The following RAPGEF2 variants were observed in gnomAD, a reference collection of about 807,000 sequenced individuals.
The protein encoded by RAPGEF2 is Rap guanine nucleotide exchange factor 2, also known as PDZ domain containing guanine nucleotide exchange factor (GEF) 1.
Under a neutral mutation model 186.7 loss-of-function variants are expected in RAPGEF2, and 54 were observed. That is an observed-to-expected ratio of 0.29 (90% CI 0.23 to 0.36). RAPGEF2 has a LOEUF of 0.36. Ranked by LOEUF, RAPGEF2 falls within the 10% of genes least tolerant of loss-of-function variation. The pLI is 1.00. For missense variants in RAPGEF2, 1,532 were observed against 2,045.0 expected (o/e 0.75, Z 4.84); for synonymous variants, 712 against 705.9 (o/e 1.01, Z -0.14).
intron 7 of RAPGEF2, among the ~76,000 whole-genome samples, chr4:159,263,546 A>G (rs894518258): frequency 6.6e-6 from 1 of 152,182 alleles, no homozygotes; most frequent in Non-Finnish European, 1.5e-5. Context: ...ATATTTAACT[A>G]TTAAGTGAAG....
At chr4:159,109,513 T>G (rs954631517) in intron 1 of RAPGEF2, among the ~76,000 whole-genome samples, 2 of 152,226 alleles carry the variant, frequency 1.3e-5, no homozygotes, top group African/African-American at 4.8e-5. Context: ...AAGTACATTA[T>G]TTAGTGTAAT....
At chr4:159,222,329 A>T (rs896134057) in intron 4 of RAPGEF2, among the ~76,000 whole-genome samples, 1 of 152,198 alleles carries the variant, frequency 6.6e-6, no homozygotes. Flanking sequence ...AGCCGTAAAG[A>T]GAAGGACTCA....
chr4:159,157,359 AG>A (rs1744237231), intron 1 of RAPGEF2, among the ~76,000 whole-genome samples: 1 of 152,160 alleles, frequency 6.6e-6, no homozygotes, highest in Admixed American at 6.5e-5. Flanking sequence ...AAAGAAAAAA[AG>A]CCAACTAACA....
At position 159,331,443 on chromosome 4, in the gene RAPGEF2, G is replaced by A. The variant is rs1432668345; in HGVS notation, c.1480G>A (p.Val494Ile). Residue 494 changes from valine to isoleucine, a missense_variant, in exon 14 of 30, where the codon GTA (valine) becomes ATA (isoleucine). By Grantham distance (29) the Val-to-Ile change is conservative (BLOSUM62 3). Coordinates refer to ENST00000691494, the MANE Select transcript of RAPGEF2 (RefSeq NM_001394067.2). ...ATTGACTTTTCAGGTTACACGGGTA[G>A]TATTATTGTGGGTAAATAATCACTT... ...PSLRDKVTRV[V>I]LLWVNNHFND... The A allele has an allele frequency of 6.2e-7, 1 of 1,607,124 alleles. No homozygotes were observed. Among genetic ancestry groups the A allele is most frequent in the East Asian group, 2.2e-5 (1 of 44,786 alleles).
intron 1 of RAPGEF2, among the ~76,000 whole-genome samples, chr4:159,131,722 T>C (rs954736925): frequency 4.0e-5 from 6 of 151,774 alleles, no homozygotes; most frequent in African/African-American, 1.5e-4. Flanking sequence ...GGGAAAGTTA[T>C]CGGGTTTTCT....
intron 7 of RAPGEF2, among the ~76,000 whole-genome samples, chr4:159,281,704 A>G (rs1759747773): frequency 6.6e-6 from 1 of 151,188 alleles, no homozygotes; most frequent in South Asian, 2.1e-4. Context: ...AAGGAAAAGG[A>G]AAATTGTTAA....
At chr4:159,356,903 A>G (rs1030334268) in intron 29 of RAPGEF2, among the ~76,000 whole-genome samples, 6 of 152,214 alleles carry the variant, frequency 3.9e-5, no homozygotes, top group African/African-American at 1.4e-4. Context: ...TCTGTCTCAA[A>G]AAAAGGAAAA....
rs1259036729 is a variant in RAPGEF2, at chr4:159,268,125, G to A, written c.543+24334G>A. 3 of 1,611,858 alleles carry A rather than the reference G, an allele frequency of 1.9e-6. No individual in the cohort carries two copies. In the African/African-American group the frequency reaches 4.0e-5, roughly 22 times the overall value. On this transcript the variant is annotated intron_variant, in intron 7 of 29. Coordinates refer to ENST00000691494, the MANE Select transcript of RAPGEF2 (RefSeq NM_001394067.2). ...ATCGTGAGAGATTGGTACATGATGT[G>A]TAAATTCAGTTCAGCATATGTTTCT...
At chr4:159,216,755 C>T (rs1042800619) in intron 4 of RAPGEF2, among the ~76,000 whole-genome samples, 12 of 152,126 alleles carry the variant, frequency 7.9e-5, no homozygotes, top group African/African-American at 2.9e-4. Context: ...CATGTATTTG[C>T]ACCACGTTGA....
rs1288066170 is a variant in RAPGEF2 at position 159,339,191 on chromosome 4, G to T, written c.2371G>T (p.Ala791Ser). 1 of 1,614,026 alleles carries T rather than the reference G, an allele frequency of 6.2e-7. No homozygotes were observed. Among genetic ancestry groups the T allele is most frequent in the Non-Finnish European group, 8.5e-7 (1 of 1,180,010 alleles). ...CATCATGATCAGTAAGGACACTACA[G>T]CAAAGGAAGTGGTCATTCAGGCTAT... The part of the protein sequence containing the change: ...RYIMISKDTT[A>S]KEVVIQAIRE... The change falls in exon 19 of 30, where the codon GCA becomes TCA. Residue 791 changes from alanine to serine, a missense_variant. By Grantham distance (99) the Ala-to-Ser change is moderately conservative. Coordinates refer to ENST00000691494, the MANE Select transcript of RAPGEF2 (RefSeq NM_001394067.2).
At chr4:159,240,848 A>G (rs1407741088) in intron 5 of RAPGEF2, among the ~76,000 whole-genome samples, 1 of 145,952 alleles carries the variant, frequency 6.9e-6, no homozygotes, top group African/African-American at 2.6e-5. Context: ...GTTGCTTAAG[A>G]CAGTGTGGCA....
At chr4:159,123,120 A>G (rs1318990207) in intron 1 of RAPGEF2, among the ~76,000 whole-genome samples, 1 of 152,246 alleles carries the variant, frequency 6.6e-6, no homozygotes, top group Non-Finnish European at 1.5e-5. Context: ...AGTGTTTATC[A>G]GTAAGGCTTC....
intron 7 of RAPGEF2, among the ~76,000 whole-genome samples, chr4:159,275,366 T>G (rs993440755): frequency 2.0e-5 from 3 of 152,160 alleles, no homozygotes; most frequent in Non-Finnish European, 4.4e-5. Flanking sequence ...AAAAATTTCT[T>G]TACAATTATC....
In RAPGEF2 at chr4:159,339,368, A is replaced by G. The variant is rs749186330; in HGVS notation, c.2534+14A>G. ...ACTGAGTGGAAGGTATATATTATCT[A>G]CCTTACTGGATTTCTTTGTCCCCTC... On this transcript the variant is annotated intron_variant, in intron 19 of 29. Transcript: ENST00000691494. 181 of 1,601,956 alleles carry G rather than the reference A, an allele frequency of 1.1e-4. 1 individual carries two copies. Among genetic ancestry groups the G allele is most frequent in the Non-Finnish European group, 1.4e-4 (166 of 1,171,478 alleles).
chr4:159,303,511 CA>C (rs926716988), intron 7 of RAPGEF2, among the ~76,000 whole-genome samples: 2 of 151,694 alleles, frequency 1.3e-5, no homozygotes. Context: ...TTTTTTTATT[CA>C]AAAGAATTGG....
intron 7 of RAPGEF2, among the ~76,000 whole-genome samples, chr4:159,283,759 A>C (rs978192164): frequency 6.6e-6 from 1 of 152,222 alleles, no homozygotes; most frequent in South Asian, 2.1e-4. Flanking sequence ...TAAAGCCAGG[A>C]CATTTTTTTA....
intron 7 of RAPGEF2, among the ~76,000 whole-genome samples, chr4:159,279,306 G>A (rs914745740): frequency 2.0e-5 from 3 of 152,152 alleles, no homozygotes; most frequent in African/African-American, 4.8e-5. Flanking sequence ...AGATGCATGC[G>A]CACGCACAGG....
At chr4:159,125,775 A>G (rs1050916505) in intron 1 of RAPGEF2, among the ~76,000 whole-genome samples, 2 of 151,552 alleles carry the variant, frequency 1.3e-5, no homozygotes, top group African/African-American at 4.9e-5. Flanking sequence ...AAAAAAAATA[A>G]TAATTCGCTG....
rs1200237933 is a variant in RAPGEF2 at position 159,343,264 on chromosome 4, T to C, written c.3131-17T>C. 5 of 1,613,928 alleles carry C rather than the reference T, an allele frequency of 3.1e-6. No homozygotes were observed. Among genetic ancestry groups the C allele is most frequent in the Non-Finnish European group, 4.2e-6 (5 of 1,179,936 alleles). Reference sequence around the variant, plus strand: ...TAAATGCCATGTGATTTCCTTTTCCTCCTCTGTCAATTTCAGGAAATGACT... The same window carrying C: ...TAAATGCCATGTGATTTCCTTTTCCCCCTCTGTCAATTTCAGGAAATGACT... On this transcript the variant is annotated splice_polypyrimidine_tract_variant and intron_variant, in intron 21 of 29. Coordinates refer to ENST00000691494, the MANE Select transcript of RAPGEF2 (RefSeq NM_001394067.2).
Sources: allele counts gnomAD v4.1 joint callset (sites outside exome capture counted in the v4.1 genomes callset), GRCh38; gene constraint gnomAD v4.1.1; transcripts MANE v1.5; gene names NCBI Gene and HGNC (gene_info 2026-07-23, HGNC 2026-07-21).